The following ZNF569 variants were observed in gnomAD, a reference collection of about 807,000 sequenced individuals.
ZNF569 encodes the protein DNA-binding protein.
Under a neutral mutation model 56.3 loss-of-function variants are expected in ZNF569, and 38 were observed. That is an observed-to-expected ratio of 0.68 (90% confidence interval 0.52 to 0.88). The LOEUF is 0.88. Among genes scored for constraint, ZNF569 ranks in the 40% least tolerant of loss-of-function variants. The pLI, the probability that ZNF569 is intolerant of heterozygous loss-of-function variation, is 0.00. For synonymous variants in ZNF569, 241 were observed against 262.9 expected (o/e 0.92, Z 0.81); for missense variants, 666 against 809.2 (o/e 0.82, Z 2.15).
In ZNF569 at chr19:37,414,051, T is replaced by G; in HGVS notation, c.607A>C (p.Arg203=). 6.2e-7 allele frequency: 1 copy of G among 1,613,596 alleles called. No homozygotes were observed. Among genetic ancestry groups the G allele is most frequent in the Non-Finnish European group, 8.5e-7 (1 of 1,179,866 alleles). Residue 203 remains arginine, a synonymous_variant, in exon 6 of 6, where the codon AGA becomes CGA. Coordinates refer to ENST00000316950, the MANE Select transcript of ZNF569 (RefSeq NM_152484.3). ...KGFNQTLDLI[R]HLRIHTGEKP... Reference sequence around the variant, plus strand: ...TCTCCAGTATGAATTCTCAGATGTCTGATGAGGTCCAAAGTCTGATTGAAG... The same window carrying G: ...TCTCCAGTATGAATTCTCAGATGTCGGATGAGGTCCAAAGTCTGATTGAAG...
intron 2 of ZNF569, among the ~76,000 whole-genome samples, chr19:37,463,688 T>C (rs1600357518): frequency 1.3e-5 from 2 of 152,160 alleles, no homozygotes; most frequent in Non-Finnish European, 2.9e-5. Context: ...AAGACATTAT[T>C]ATCACAGGAG....
At chr19:37,458,082 G>A (rs1322410187) in intron 2 of ZNF569, among the ~76,000 whole-genome samples, 1 of 152,066 alleles carries the variant, frequency 6.6e-6, no homozygotes, top group Non-Finnish European at 1.5e-5. Flanking sequence ...TGTTGCCCAG[G>A]CTGGTCTTGA....
intron 5 of ZNF569, among the ~76,000 whole-genome samples, chr19:37,415,496 C>G (rs1405182671): frequency 6.6e-6 from 1 of 151,974 alleles, no homozygotes; most frequent in East Asian, 1.9e-4. Flanking sequence ...ACATTAAAGT[C>G]AGAAATAAGA....
chr19:37,466,193 C>T (rs932244733), intron 1 of ZNF569, among the ~76,000 whole-genome samples: 1 of 152,062 alleles, frequency 6.6e-6, no homozygotes. Context: ...TTTTCTCCAC[C>T]CCACTCCACT....
At chr19:37,455,488 C>T (rs1369343870) in intron 2 of ZNF569, among the ~76,000 whole-genome samples, 2 of 152,126 alleles carry the variant, frequency 1.3e-5, no homozygotes, top group Non-Finnish European at 2.9e-5. Flanking sequence ...AAAATGCTTA[C>T]AGCAACTGCC....
chr19:37,422,068 C>G (rs767440737), intron 5 of ZNF569, among the ~76,000 whole-genome samples: 1 of 152,098 alleles, frequency 6.6e-6, no homozygotes, highest in Non-Finnish European at 1.5e-5. Flanking sequence ...AAATTTACTT[C>G]AAGAACTTTT....
At chr19:37,437,561 A>G (rs1290974509) in intron 3 of ZNF569, among the ~76,000 whole-genome samples, 4 of 152,236 alleles carry the variant, frequency 2.6e-5, no homozygotes, top group African/African-American at 9.6e-5. Context: ...ATGTGATATG[A>G]TCTTCTGTTT....
At position 37,413,230 on chromosome 19, in the gene ZNF569, G is replaced by C; in HGVS notation, c.1428C>G (p.Ser476Arg). ...CATGAGCAATGAGATTTGATTTCTG[G>C]CTAAAGGCTTTCCCACATTCCTTAC... Reference protein sequence around the residue: ...YICKECGKAFSQKSNLIAHEK... With the variant: ...YICKECGKAFRQKSNLIAHEK... Residue 476 changes from serine to arginine, a missense_variant, in exon 6 of 6, where the codon AGC becomes AGG. By Grantham distance (110) the Ser-to-Arg change is moderately radical (BLOSUM62 -1). Transcript: ENST00000316950. 1.2e-6 allele frequency: 2 copies of C among 1,610,414 alleles called. No individual in the cohort carries two copies. The highest frequency in any genetic ancestry group is 3.4e-5 in the Admixed American group (2 of 59,276).
Position 37,415,651 on chromosome 19 carries a change from G to A in ZNF569, c.239-1232C>T, listed in dbSNP as rs559569555. Among the ~76,000 whole-genome samples, 33 of 150,566 alleles carry A rather than the reference G, an allele frequency of 2.2e-4. No homozygotes were observed. In the East Asian group the frequency reaches 4.9e-3, roughly 23 times the overall value. On this transcript the variant is annotated intron_variant, in intron 5 of 5. Transcript: ENST00000316950. ...TTTGGGAGGCCAAGGCGGGCGGATC[G>A]CGAGGTCAGGAGATTGAGACCATCC... is the stretch of plus-strand genomic sequence containing the variant.
chr19:37,432,027 C>G (rs1261085490), intron 3 of ZNF569, among the ~76,000 whole-genome samples: 1 of 152,136 alleles, frequency 6.6e-6, no homozygotes, highest in Non-Finnish European at 1.5e-5. Flanking sequence ...ATACCAAGTA[C>G]ATTCCTAAGG....
chr19:37,432,562 T>C (rs1220420324), intron 3 of ZNF569, among the ~76,000 whole-genome samples: 9 of 152,210 alleles, frequency 5.9e-5, no homozygotes, highest in Non-Finnish European at 1.5e-5. Flanking sequence ...AGGGCAGGTA[T>C]AAACAAGCTC....
intron 3 of ZNF569, among the ~76,000 whole-genome samples, chr19:37,428,019 T>G (rs1600305151): frequency 1.3e-5 from 2 of 152,224 alleles, no homozygotes; most frequent in South Asian, 4.1e-4. Flanking sequence ...AACTAGTAAA[T>G]AAATTTTAAA....
intron 3 of ZNF569, among the ~76,000 whole-genome samples, chr19:37,442,984 A>G (rs2041431520): frequency 6.6e-6 from 1 of 152,228 alleles, no homozygotes; most frequent in Non-Finnish European, 1.5e-5. Flanking sequence ...GCTGTGTTAC[A>G]CAGGTATGTT....
intron 3 of ZNF569, among the ~76,000 whole-genome samples, chr19:37,440,217 A>T (rs2146929319): frequency 6.6e-6 from 1 of 152,312 alleles, no homozygotes; most frequent in East Asian, 1.9e-4. Flanking sequence ...AAAATTAAAA[A>T]AACTAACAAC....
At chr19:37,433,404 G>A (rs2041256910) in intron 3 of ZNF569, among the ~76,000 whole-genome samples, 1 of 152,150 alleles carries the variant, frequency 6.6e-6, no homozygotes, top group African/African-American at 2.4e-5. Flanking sequence ...CCTTAAAGAG[G>A]AGGTAGAGAG....
At chr19:37,453,046 T>C (rs1461545113) in intron 2 of ZNF569, among the ~76,000 whole-genome samples, 1 of 152,204 alleles carries the variant, frequency 6.6e-6, no homozygotes, top group Admixed American at 6.5e-5. Flanking sequence ...TAATGGCTTG[T>C]CTTCCAGTTT....
intron 2 of ZNF569, chr19:37,454,759 T>C: frequency 2.9e-6 from 2 of 688,054 alleles, no homozygotes; most frequent in Non-Finnish European, 5.3e-6. Flanking sequence ...AGTCCCCCAG[T>C]GGTTTCACAC....
At chr19:37,439,770 G>A (rs2041373729) in intron 3 of ZNF569, among the ~76,000 whole-genome samples, 1 of 152,162 alleles carries the variant, frequency 6.6e-6, no homozygotes, top group South Asian at 2.1e-4. Context: ...GGATGCAACT[G>A]GAGATCATTA....
At chr19:37,467,547 G>A (rs970333510), upstream of ZNF569, 3 of 326,050 alleles carry the variant, frequency 9.2e-6, no homozygotes, top group Non-Finnish European at 1.7e-5. Context: ...AGGTTCGCAA[G>A]GTCCGTGAAG....
Sources: gnomAD v4.1 joint callset for allele counts (sites outside exome capture counted in the v4.1 genomes callset) on GRCh38, gnomAD v4.1.1 for gene constraint, MANE v1.5 for transcripts, NCBI Gene and HGNC (gene_info 2026-07-23, HGNC 2026-07-21) for gene names.